The following OPRM1 variants were observed in gnomAD, a reference collection of about 807,000 sequenced individuals.
OPRM1 encodes the protein opioid receptor mu 1, also known as mu-type opioid receptor.
A neutral mutation model predicts 31.8 loss-of-function variants in OPRM1; 27 were observed. That is an observed-to-expected ratio of 0.85 (90% CI 0.63 to 1.17). The LOEUF is 1.17. Among genes scored for constraint, OPRM1 ranks in the 50% most tolerant of loss-of-function variants. OPRM1 has a pLI of 0.00. For synonymous variants in OPRM1, 196 were observed against 189.9 expected (o/e 1.03, Z -0.26); for missense variants, 536 against 511.1 (o/e 1.05, Z -0.47).
At chr6:154,141,922 A>G (rs529634441) in intron 3 of OPRM1, among the ~76,000 whole-genome samples, 1 of 152,258 alleles carries the variant, frequency 6.6e-6, no homozygotes, top group East Asian at 1.9e-4. Context: ...ACATCTCCCA[A>G]TCCACAAGCC....
chr6:154,135,057 ATTC>A (rs1798021493), downstream of OPRM1, among the ~76,000 whole-genome samples: 1 of 152,212 alleles, frequency 6.6e-6, no homozygotes, highest in Non-Finnish European at 1.5e-5. Flanking sequence ...TATAGTCCGC[ATTC>A]TAACAACGCT....
intron 3 of OPRM1, among the ~76,000 whole-genome samples, chr6:154,215,522 C>T (rs1202377665): frequency 2.0e-5 from 3 of 152,136 alleles, no homozygotes; most frequent in Non-Finnish European, 4.4e-5. Flanking sequence ...AGGAGAATCA[C>T]TTGTACCTGG....
chr6:154,076,416 A>C lies in OPRM1; in HGVS notation c.291-13410A>C, dbSNP rs765158696. Among the ~76,000 whole-genome samples the C allele has an allele frequency of 5.9e-4, 90 of 152,262 alleles. 1 individual carries two copies. The highest frequency in any genetic ancestry group is 1.6e-4 in the Non-Finnish European group (11 of 68,046). ...ATAAAAATGGTCAAAAAATAAATTC[A>C]TAGACGAGGCAGTACAATTAACCCA... On this transcript the variant is annotated intron_variant, in intron 1 of 3. Transcript: ENST00000330432.
intron 3 of OPRM1, among the ~76,000 whole-genome samples, chr6:154,242,031 G>C (rs994741707): frequency 1.3e-5 from 2 of 152,132 alleles, no homozygotes; most frequent in African/African-American, 2.4e-5. Flanking sequence ...AATTCCCTGA[G>C]CTTCAGTAAA....
chr6:154,203,944 T>G (rs1315217178), intron 3 of OPRM1, among the ~76,000 whole-genome samples: 1 of 152,192 alleles, frequency 6.6e-6, no homozygotes, highest in Non-Finnish European at 1.5e-5. Context: ...CGGTGCCAAT[T>G]ACAATGCAAA....
intron 3 of OPRM1, among the ~76,000 whole-genome samples, chr6:154,230,366 G>A (rs78527380): frequency 6.6e-6 from 1 of 152,158 alleles, no homozygotes; most frequent in Non-Finnish European, 1.5e-5. Context: ...TACTTTTGCT[G>A]TGAGCCTAAA....
At chr6:154,080,262 C>T (rs1788796580) in intron 1 of OPRM1, among the ~76,000 whole-genome samples, 1 of 152,196 alleles carries the variant, frequency 6.6e-6, no homozygotes, top group Admixed American at 6.5e-5. Flanking sequence ...ATTTCACTTA[C>T]AAACATACTC....
Position 154,075,127 on chromosome 6 carries a change from TA to T in OPRM1, c.291-14697del, listed in dbSNP as rs535295806. 4.1e-4 allele frequency among the ~76,000 whole-genome samples: 62 copies of T among 152,318 alleles called. 1 individual carries two copies. The highest frequency in any genetic ancestry group is 1.3e-3 in the African/African-American group (55 of 41,580). On this transcript the variant is annotated intron_variant, in intron 1 of 3. Transcript: ENST00000330432. ...AATGATATTTTTAAAGGGAATAGAA[TA>T]AGAGTTTTCATCAACACACTTGGCA...
intron 1 of OPRM1, among the ~76,000 whole-genome samples, chr6:154,025,520 A>T (rs1778643616): frequency 6.6e-6 from 1 of 152,036 alleles, no homozygotes; most frequent in Non-Finnish European, 1.5e-5. Flanking sequence ...GTACATTTAC[A>T]TTGAATGTTA....
intron 3 of OPRM1, among the ~76,000 whole-genome samples, chr6:154,099,914 C>A (rs1195601051): frequency 2.2e-5 from 3 of 139,444 alleles, no homozygotes; most frequent in East Asian, 2.1e-4. Flanking sequence ...TGATATATAT[C>A]ATAACATGTA....
At position 154,041,240 on chromosome 6, in the gene OPRM1, A is replaced by G. The variant is rs149374113; in HGVS notation, c.290+1406A>G. ...CTGATCTTTTGATGAGGAATAAGAT[A>G]AGTATTGTCTGTAAGAAAAGAGCAC... On this transcript the variant is annotated intron_variant, in intron 1 of 3. Transcript: ENST00000330432. Among the ~76,000 whole-genome samples the G allele has an allele frequency of 3.1e-3, 478 of 152,344 alleles. 2 individuals carry two copies. Among genetic ancestry groups the G allele is most frequent in the African/African-American group, 0.011 (465 of 41,574 alleles).
chr6:154,172,546 CAGTCTGAGATTGT>C (rs1799960250), intron 3 of OPRM1, among the ~76,000 whole-genome samples: 4 of 152,350 alleles, frequency 2.6e-5, no homozygotes, highest in African/African-American at 9.6e-5. Context: ...GCTAGCACAG[CAGTCTGAGATTGT>C]CCTGGGATGC....
chr6:154,206,803 C>G (rs896320427), intron 3 of OPRM1, among the ~76,000 whole-genome samples: 7 of 152,132 alleles, frequency 4.6e-5, no homozygotes, highest in Non-Finnish European at 1.0e-4. Flanking sequence ...AACTTTATAC[C>G]TACAGGTACG....
intron 3 of OPRM1, among the ~76,000 whole-genome samples, chr6:154,245,950 T>C (rs953814277): frequency 2.0e-5 from 3 of 152,336 alleles, no homozygotes; most frequent in African/African-American, 7.2e-5. Flanking sequence ...GTATACCGAC[T>C]TTTTAAGGAA....
chr6:154,077,762 AAAAC>A (rs1788195037), intron 1 of OPRM1, among the ~76,000 whole-genome samples: 1 of 152,014 alleles, frequency 6.6e-6, no homozygotes, highest in Admixed American at 6.6e-5. Flanking sequence ...TTAATTAACT[AAAAC>A]AAAAGAAATT....
At chr6:154,018,725 C>A (rs755917896) in intron 1 of OPRM1, among the ~76,000 whole-genome samples, 47 of 152,110 alleles carry the variant, frequency 3.1e-4, no homozygotes, top group Non-Finnish European at 5.7e-4. Context: ...TCCCCTGACC[C>A]AGGATAAACT....
upstream of OPRM1, among the ~76,000 whole-genome samples, chr6:154,038,930 A>G (rs1378040610): frequency 6.6e-6 from 1 of 152,212 alleles, no homozygotes; most frequent in Non-Finnish European, 1.5e-5. Context: ...CTGCAAAAGA[A>G]AATTGTGTGT....
intron 3 of OPRM1, among the ~76,000 whole-genome samples, chr6:154,092,221 A>C (rs929838291): frequency 7.2e-5 from 11 of 152,166 alleles, no homozygotes; most frequent in Non-Finnish European, 1.3e-4. Context: ...AGACTTATAC[A>C]CACTATTATA....
At position 154,185,515 on chromosome 6, in the gene OPRM1, G is replaced by A. The variant is rs1297401459; in HGVS notation, c.1165-61178G>A. On this transcript the variant is annotated intron_variant, in intron 3 of 3. Coordinates refer to the OPRM1 transcript ENST00000337049. ...GGTTAAAGGTCTAGTTTGTATGGCT[G>A]ATATAATACATGCTATGTAAATAAA... Among the ~76,000 whole-genome samples, 5 of 152,154 alleles carry A rather than the reference G, an allele frequency of 3.3e-5. No homozygotes were observed. In the South Asian group the frequency reaches 8.3e-4, roughly 25 times the overall value.
Sources: allele counts gnomAD v4.1 joint callset (sites outside exome capture counted in the v4.1 genomes callset), GRCh38; gene constraint gnomAD v4.1.1; transcripts MANE v1.5; gene names NCBI Gene and HGNC (gene_info 2026-07-23, HGNC 2026-07-21).